Variants in GUCY1A2 observed in about 807,000 individuals in gnomAD.
GUCY1A2 encodes guanylate cyclase soluble subunit alpha-2.
A neutral mutation model predicts 63.5 loss-of-function variants in GUCY1A2; 27 were observed. That is an observed-to-expected ratio of 0.43 (90% confidence interval 0.31 to 0.59). GUCY1A2 has a LOEUF of 0.59. Among genes scored for constraint, GUCY1A2 ranks in the 20% least tolerant of loss-of-function variants. The probability of loss-of-function intolerance (pLI) is 0.11; values close to 1 mark genes in which losing one functional copy is unlikely to be tolerated. For synonymous variants in GUCY1A2, 364 were observed against 343.5 expected (o/e 1.06, Z -0.66); for missense variants, 768 against 913.3 (o/e 0.84, Z 2.05).
chr11:106,794,549 G>C (rs1442981832), intron 5 of GUCY1A2, among the ~76,000 whole-genome samples: 2 of 151,832 alleles, frequency 1.3e-5, no homozygotes, highest in Non-Finnish European at 2.9e-5. Flanking sequence ...TCTGATAATA[G>C]ATCAACTATG....
intron 4 of GUCY1A2, among the ~76,000 whole-genome samples, chr11:106,860,752 A>C (rs1859500403): frequency 6.6e-6 from 1 of 152,052 alleles, no homozygotes; most frequent in African/African-American, 2.4e-5. Flanking sequence ...CATATAAAGG[A>C]GGTGCCAATG....
intron 4 of GUCY1A2, among the ~76,000 whole-genome samples, chr11:106,922,990 G>T (rs1289769591): frequency 6.6e-6 from 1 of 151,900 alleles, no homozygotes; most frequent in African/African-American, 2.4e-5. Context: ...AAAATGAAAA[G>T]GAAATATAAT....
chr11:107,001,144 A>AG (rs1565356099), intron 1 of GUCY1A2, among the ~76,000 whole-genome samples: 1 of 152,152 alleles, frequency 6.6e-6, no homozygotes, highest in African/African-American at 2.4e-5. Flanking sequence ...GAAAGATAAA[A>AG]TCTTTCTGAA....
intron 2 of GUCY1A2, 46 bp from the exon 3 acceptor site, chr11:106,978,786 T>A (rs1181065383): frequency 6.8e-7 from 1 of 1,468,546 alleles, no homozygotes. Flanking sequence ...TTTGAAAGCA[T>A]CTGCGAATGC....
At position 106,681,304 on chromosome 11, in the gene GUCY1A2, C is replaced by G. The variant is rs989920782; in HGVS notation, c.*6245G>C. ...ACTCTTTCATCTTCCAAGACCATAT[C>G]AAACCAACATTTGAATAAATCTGCC... On this transcript the variant is annotated 3_prime_UTR_variant, in exon 8 of 8. Coordinates refer to ENST00000526355, the MANE Select transcript of GUCY1A2 (RefSeq NM_000855.3). 1.8e-5 allele frequency: 4 copies of G among 224,672 alleles called. No individual in the cohort carries two copies. The highest frequency in any genetic ancestry group is 8.9e-5 in the African/African-American group (4 of 44,828). 13.9% of individuals were successfully genotyped at this position (224,672 alleles called of 1,614,324 possible).
intron 3 of GUCY1A2, among the ~76,000 whole-genome samples, chr11:106,951,355 C>A (rs148280090): frequency 0.016 from 2,469 of 152,314 alleles, 70 homozygotes; most frequent in African/African-American, 0.056. Context: ...TACATTCCCA[C>A]CAACAGTACA....
At chr11:106,998,363 G>A (rs1174068025) in intron 1 of GUCY1A2, among the ~76,000 whole-genome samples, 1 of 152,134 alleles carries the variant, frequency 6.6e-6, no homozygotes, top group Non-Finnish European at 1.5e-5. Context: ...TTCTGACATG[G>A]CATCATGTTT....
chr11:106,949,705 G>A (rs1028968822), intron 3 of GUCY1A2, among the ~76,000 whole-genome samples: 1 of 152,138 alleles, frequency 6.6e-6, no homozygotes, highest in Non-Finnish European at 1.5e-5. Context: ...AAAAGGAAAT[G>A]TCAACTAGGC....
intron 1 of GUCY1A2, among the ~76,000 whole-genome samples, chr11:107,014,859 A>AT (rs1292133808): frequency 2.6e-5 from 4 of 152,194 alleles, no homozygotes; most frequent in Non-Finnish European, 5.9e-5. Flanking sequence ...ACAACTAGAA[A>AT]TTCCCATCTA....
At chr11:106,901,570 T>C (rs753513062) in intron 4 of GUCY1A2, among the ~76,000 whole-genome samples, 50 of 152,310 alleles carry the variant, frequency 3.3e-4, no homozygotes, top group Non-Finnish European at 5.9e-4. Flanking sequence ...TGTATACATA[T>C]GCCATGTTGG....
chr11:106,933,732 G>A (rs1039613261), intron 4 of GUCY1A2, among the ~76,000 whole-genome samples: 2 of 152,148 alleles, frequency 1.3e-5, no homozygotes, highest in African/African-American at 4.8e-5. Flanking sequence ...AGACAATGTA[G>A]TACATATATA....
chr11:106,840,852 C>T (rs975271313), intron 4 of GUCY1A2, among the ~76,000 whole-genome samples: 1 of 151,762 alleles, frequency 6.6e-6, no homozygotes, highest in Non-Finnish European at 1.5e-5. Flanking sequence ...AAATAAACTT[C>T]GGAAAAAATT....
intron 1 of GUCY1A2, among the ~76,000 whole-genome samples, chr11:107,009,486 T>C (rs1184123817): frequency 6.6e-6 from 1 of 152,174 alleles, no homozygotes; most frequent in African/African-American, 2.4e-5. Flanking sequence ...CCCAACCTTT[T>C]CAAATATCTG....
At chr11:106,866,823 A>G (rs1291299561) in intron 4 of GUCY1A2, among the ~76,000 whole-genome samples, 6 of 152,062 alleles carry the variant, frequency 3.9e-5, no homozygotes, top group Non-Finnish European at 5.9e-5. Flanking sequence ...AATGCAGACA[A>G]TGAGGATCTT....
intron 5 of GUCY1A2, among the ~76,000 whole-genome samples, chr11:106,806,433 G>A (rs1858687759): frequency 6.6e-6 from 1 of 152,124 alleles, no homozygotes; most frequent in Non-Finnish European, 1.5e-5. Context: ...CTTTCTCCCT[G>A]CTTATCTAAA....
intron 4 of GUCY1A2, among the ~76,000 whole-genome samples, chr11:106,904,704 C>T (rs146811039): frequency 5.9e-5 from 9 of 151,710 alleles, no homozygotes; most frequent in African/African-American, 2.2e-4. Flanking sequence ...TGAGAAAATA[C>T]ATATTTTATT....
chr11:107,010,464 C>T (rs943344525), intron 1 of GUCY1A2, among the ~76,000 whole-genome samples: 4 of 152,116 alleles, frequency 2.6e-5, no homozygotes, highest in African/African-American at 4.8e-5. Flanking sequence ...TATAAATGGA[C>T]GACTCAAAGA....
chr11:106,764,980 T>TGGG (rs1864136786), intron 6 of GUCY1A2, among the ~76,000 whole-genome samples: 3 of 43,052 alleles, frequency 7.0e-5, no homozygotes, highest in Non-Finnish European at 9.3e-5. Context: ...TGGGGGGGGG[T>TGGG]TGGGGGGCAG....
chr11:106,867,975 AC>A (rs1269170506), intron 4 of GUCY1A2, among the ~76,000 whole-genome samples: 1 of 151,928 alleles, frequency 6.6e-6, no homozygotes, highest in Non-Finnish European at 1.5e-5. Flanking sequence ...TTAAATACAC[AC>A]CCCAACCCCC....
Sources: allele counts gnomAD v4.1 joint callset (sites outside exome capture counted in the v4.1 genomes callset), GRCh38; gene constraint gnomAD v4.1.1; transcripts MANE v1.5; gene names NCBI Gene and HGNC (gene_info 2026-07-23, HGNC 2026-07-21).